Variants in KIAA0586 observed in about 807,000 individuals in gnomAD.
The protein encoded by KIAA0586 is KIAA0586, also known as protein TALPID3.
A neutral mutation model predicts 169.8 loss-of-function variants in KIAA0586; 144 were observed. The ratio of observed to expected loss-of-function variants is 0.85; its 90% CI spans 0.74 to 0.97. The LOEUF is 0.97. Among genes scored for constraint, KIAA0586 ranks in the 50% least tolerant of loss-of-function variants. The probability of loss-of-function intolerance (pLI) is 0.00; values close to 1 mark genes in which losing one functional copy is unlikely to be tolerated. For missense variants in KIAA0586, 1,854 were observed against 1,823.0 expected (o/e 1.02, Z -0.31); for synonymous variants, 625 against 612.4 (o/e 1.02, Z -0.30).
intron 27 of KIAA0586, among the ~76,000 whole-genome samples, chr14:58,504,563 C>T (rs920953638): frequency 4.6e-5 from 7 of 152,156 alleles, no homozygotes; most frequent in African/African-American, 1.7e-4. Flanking sequence ...TTAGTCTTCT[C>T]TAAAAGTCTG....
intron 14 of KIAA0586, chr14:58,464,201 C>A: frequency 3.1e-6 from 1 of 325,778 alleles, no homozygotes; most frequent in Non-Finnish European, 6.0e-6. Context: ...GAATCTGGAA[C>A]ATCATTTTTC....
intron 6 of KIAA0586, among the ~76,000 whole-genome samples, chr14:58,445,647 C>T (rs940912272): frequency 1.3e-5 from 2 of 151,258 alleles, no homozygotes; most frequent in African/African-American, 4.9e-5. Flanking sequence ...TTGGCCAGAC[C>T]AGTCTCGAAC....
intron 27 of KIAA0586, among the ~76,000 whole-genome samples, chr14:58,502,230 G>A (rs1433067573): frequency 6.6e-6 from 1 of 152,038 alleles, no homozygotes; most frequent in Non-Finnish European, 1.5e-5. Context: ...CTGCCTCCTG[G>A]GTTCAAGTGA....
chr14:58,545,227 C>T (rs1041360294), intron 30 of KIAA0586, among the ~76,000 whole-genome samples: 4 of 152,138 alleles, frequency 2.6e-5, no homozygotes, highest in Non-Finnish European at 5.9e-5. Context: ...ATGATGAAAA[C>T]GTATTTACAA....
intron 30 of KIAA0586, among the ~76,000 whole-genome samples, chr14:58,545,159 G>A (rs2046903138): frequency 2.0e-5 from 3 of 152,192 alleles, no homozygotes; most frequent in African/African-American, 7.2e-5. Flanking sequence ...CCACTTTAAT[G>A]TCTCTGGGCC....
chr14:58,455,692 GTA>G (rs2039771635), intron 9 of KIAA0586, among the ~76,000 whole-genome samples: 2 of 151,680 alleles, frequency 1.3e-5, no homozygotes, highest in Non-Finnish European at 2.9e-5. Flanking sequence ...GTGTGTGTGT[GTA>G]TGTGTGTGTG....
At chr14:58,479,458 A>G (rs1472290285) in intron 20 of KIAA0586, among the ~76,000 whole-genome samples, 3 of 152,072 alleles carry the variant, frequency 2.0e-5, no homozygotes, top group African/African-American at 4.8e-5. Flanking sequence ...ATTTTCTTCT[A>G]CTTTGTGTTT....
At chr14:58,516,578 T>C (rs1413756635) in intron 29 of KIAA0586, among the ~76,000 whole-genome samples, 2 of 152,228 alleles carry the variant, frequency 1.3e-5, no homozygotes, top group African/African-American at 2.4e-5. Context: ...TCCCTCCAAA[T>C]TGATCTATAG....
intron 4 of KIAA0586, among the ~76,000 whole-genome samples, chr14:58,439,176 G>T (rs1456550728): frequency 6.6e-6 from 1 of 152,088 alleles, no homozygotes; most frequent in Non-Finnish European, 1.5e-5. Flanking sequence ...TCTGTGGACT[G>T]CCATTGCTTT....
At chr14:58,552,011 A>G (rs539932848), downstream of KIAA0586, among the ~76,000 whole-genome samples, 11 of 152,236 alleles carry the variant, frequency 7.2e-5, no homozygotes, top group East Asian at 2.1e-3. Context: ...GTGGATCCTC[A>G]GGGGGAGGCT....
chr14:58,559,700 A>G, the KIAA0586 span, among the ~76,000 whole-genome samples: 3 of 152,182 alleles, frequency 2.0e-5, no homozygotes, highest in African/African-American at 7.2e-5. Flanking sequence ...GAACTCAGTA[A>G]CAAGAGAGGA....
chr14:58,458,716 A>T (rs2040076321), intron 12 of KIAA0586, among the ~76,000 whole-genome samples, 171 bp downstream of exon 12: 3 of 152,182 alleles, frequency 2.0e-5, no homozygotes, highest in Admixed American at 2.0e-4. Context: ...GCTTTGTTTA[A>T]CAAGTATATT....
intron 29 of KIAA0586, among the ~76,000 whole-genome samples, chr14:58,529,181 A>C (rs2045794246): frequency 1.3e-5 from 2 of 152,218 alleles, no homozygotes; most frequent in Admixed American, 1.3e-4. Flanking sequence ...TGAATAGATC[A>C]ATAACAAGTT....
rs1555377355 is a variant in KIAA0586, at chr14:58,445,437, C to CA, written c.807+1262_807+1263insA. ...TTGGAATTTCTTTTTCTTTCTTTTTCTTTTTTTTTTTTTTGAGACGGAGTC... is the reference window on the plus strand; with the variant it reads ...TTGGAATTTCTTTTTCTTTCTTTTTCATTTTTTTTTTTTTTGAGACGGAGTC... On this transcript the variant is annotated intron_variant, in intron 6 of 30. Coordinates refer to ENST00000652326, the MANE Select transcript of KIAA0586 (RefSeq NM_001329943.3). 6.3e-5 allele frequency among the ~76,000 whole-genome samples: 9 copies of CA among 142,108 alleles called. No homozygotes were observed. In the South Asian group the frequency reaches 1.8e-3, roughly 28 times the overall value. 93.2% of individuals were successfully genotyped at this position (142,108 alleles called of 152,430 possible). A position where few individuals can be genotyped will look rare whatever the true frequency, so the allele number is the denominator to read the frequency against.
intron 24 of KIAA0586, among the ~76,000 whole-genome samples, chr14:58,489,259 A>C (rs2042679612): frequency 7.4e-6 from 1 of 134,756 alleles, no homozygotes; most frequent in Non-Finnish European, 1.5e-5. Context: ...TCTCACTGTC[A>C]TGCAAGCTAG....
At chr14:58,489,380 C>T (rs748168536) in intron 24 of KIAA0586, among the ~76,000 whole-genome samples, 9 of 151,830 alleles carry the variant, frequency 5.9e-5, no homozygotes, top group Non-Finnish European at 1.2e-4. Flanking sequence ...CCACCACGCC[C>T]GGCTAACTTT....
chr14:58,465,971 A>G lies in KIAA0586; in HGVS notation c.2196A>G (p.Glu732=), dbSNP rs2040733321. Residue 732 remains glutamate (E), a synonymous_variant, in exon 15 of 31, where the codon GAA becomes GAG. Transcript: ENST00000652326. ...DQQYLFSPSR[E]MPTFSGTLEG... is the part of the protein sequence containing the mutation. ...AATATTTGTTCAGCCCAAGTAGAGA[A>G]ATGCCTACTTTTTCAGGTACATTGG... is the stretch of plus-strand genomic sequence containing the variant. 1 of 1,613,330 alleles carries G rather than the reference A, an allele frequency of 6.2e-7. No individual in the cohort carries two copies.
chr14:58,510,759 G>A (rs1416425881), intron 28 of KIAA0586, among the ~76,000 whole-genome samples: 2 of 151,850 alleles, frequency 1.3e-5, no homozygotes, highest in Non-Finnish European at 2.9e-5. Flanking sequence ...AAATTGTGGT[G>A]TATCCTGTAC....
In KIAA0586 at chr14:58,450,607, T is replaced by G; in HGVS notation, c.990T>G (p.Ser330Arg). ...CTTTAAAAGAAGTTGAAGATACGAG[T>G]TTTGATAAACAGAAATCTCCTTTGG... ...QAPLKEVEDT[S>R]FDKQKSPLET... Residue 330 changes from serine (S) to arginine (R), a missense_variant, in exon 8 of 31, where the codon AGT becomes AGG. Transcript: ENST00000652326. 1 of 1,609,090 alleles carries G rather than the reference T, an allele frequency of 6.2e-7. No homozygotes were observed. Among genetic ancestry groups the G allele is most frequent in the Non-Finnish European group, 8.5e-7 (1 of 1,178,464 alleles).
Sources: gnomAD v4.1 joint callset for allele counts (sites outside exome capture counted in the v4.1 genomes callset) on GRCh38, gnomAD v4.1.1 for gene constraint, MANE v1.5 for transcripts, NCBI Gene and HGNC (gene_info 2026-07-23, HGNC 2026-07-21) for gene names.